Variants in CLVS1 observed in about 807,000 individuals in gnomAD.
The protein encoded by CLVS1 is clavesin-1.
CLVS1 carries 10 observed loss-of-function variants against 33.1 expected under a neutral mutation model. That is an observed-to-expected ratio of 0.30 (90% CI 0.19 to 0.51). The LOEUF (loss-of-function observed/expected upper bound fraction) is 0.51. Ranked by LOEUF, CLVS1 falls within the 20% of genes least tolerant of loss-of-function variation. CLVS1 has a pLI of 0.97. For synonymous variants in CLVS1, 163 were observed against 166.1 expected (o/e 0.98, Z 0.14); for missense variants, 343 against 433.4 (o/e 0.79, Z 1.85).
chr8:61,432,777 G>A (rs1446678664), intron 3 of CLVS1, among the ~76,000 whole-genome samples: 1 of 152,206 alleles, frequency 6.6e-6, no homozygotes, highest in Non-Finnish European at 1.5e-5. Flanking sequence ...AGTGACCGAG[G>A]CAGATCTCAA....
rs1805559224 is a variant in CLVS1, at chr8:61,107,487, T to C, written c.-242-24283T>C. Among the ~76,000 whole-genome samples, 6 of 152,290 alleles carry C rather than the reference T, an allele frequency of 3.9e-5. No individual in the cohort carries two copies. The South Asian group carries it at 1.2e-3, about 32-fold the overall frequency. ...ACATTGGTGGAAATGGAGAACAAGC[T>C]CCCTTAAGCCTCTTTTAGAAGGCAC... On this transcript the variant is annotated intron_variant, in intron 1 of 2. Coordinates refer to the CLVS1 transcript ENST00000522621.
At chr8:61,138,129 A>G (rs2129292450) in intron 2 of CLVS1, among the ~76,000 whole-genome samples, 1 of 152,342 alleles carries the variant, frequency 6.6e-6, no homozygotes, top group East Asian at 1.9e-4. Flanking sequence ...GAGGAGGCAT[A>G]AGTCAACAAG....
At chr8:60,994,855 G>A in the CLVS1 span, among the ~76,000 whole-genome samples, 4 of 151,966 alleles carry the variant, frequency 2.6e-5, no homozygotes, top group East Asian at 5.8e-4. Flanking sequence ...CAGAAATAAC[G>A]CTGCATATCT....
At chr8:61,360,045 T>A (rs1245042787) in intron 2 of CLVS1, among the ~76,000 whole-genome samples, 1 of 151,760 alleles carries the variant, frequency 6.6e-6, no homozygotes, top group Non-Finnish European at 1.5e-5. Context: ...TACAGAGCCA[T>A]TGTAGGCAGG....
chr8:61,475,111 A>G (rs1817870709), intron 5 of CLVS1, among the ~76,000 whole-genome samples: 1 of 152,150 alleles, frequency 6.6e-6, no homozygotes, highest in South Asian at 2.1e-4. Context: ...CCATGTCCCT[A>G]CAAAGGACAT....
chr8:61,153,493 GGT>G (rs759263271), intron 2 of CLVS1, among the ~76,000 whole-genome samples: 50 of 152,190 alleles, frequency 3.3e-4, no homozygotes, highest in Admixed American at 2.0e-4. Flanking sequence ...CAGGGTCAAT[GGT>G]GTGAAGAAAA....
chr8:61,000,751 C>T, the CLVS1 span, among the ~76,000 whole-genome samples: 1 of 152,156 alleles, frequency 6.6e-6, no homozygotes, highest in Non-Finnish European at 1.5e-5. Context: ...CAGGTTTGGT[C>T]CAGGGTCCTT....
At chr8:61,327,600 A>G (rs1811430543) in intron 2 of CLVS1, among the ~76,000 whole-genome samples, 1 of 152,196 alleles carries the variant, frequency 6.6e-6, no homozygotes, top group Admixed American at 6.5e-5. Flanking sequence ...AAAAGTTTCA[A>G]CTTTTTCATA....
chr8:61,372,111 C>G (rs1367459708), intron 2 of CLVS1, among the ~76,000 whole-genome samples: 1 of 152,086 alleles, frequency 6.6e-6, no homozygotes, highest in African/African-American at 2.4e-5. Flanking sequence ...ATCCATTTGT[C>G]ATGTTAGTTC....
intron 2 of CLVS1, among the ~76,000 whole-genome samples, chr8:61,315,133 C>A (rs940703855): frequency 2.0e-5 from 3 of 152,130 alleles, no homozygotes; most frequent in African/African-American, 7.2e-5. Flanking sequence ...CTATGTCCGT[C>A]TCTGATATTT....
the CLVS1 span, among the ~76,000 whole-genome samples, chr8:61,002,534 A>T: frequency 2.6e-5 from 4 of 151,612 alleles, no homozygotes; most frequent in African/African-American, 7.3e-5. Flanking sequence ...GGGTTTCACC[A>T]TGTTGGCCAG....
chr8:60,991,446 T>C, the CLVS1 span, among the ~76,000 whole-genome samples: 1 of 152,232 alleles, frequency 6.6e-6, no homozygotes, highest in Non-Finnish European at 1.5e-5. Flanking sequence ...GTGTTGCATA[T>C]TCACAAATTT....
intron 2 of CLVS1, among the ~76,000 whole-genome samples, chr8:61,329,203 A>ATCTCTC (rs34303330): frequency 0.027 from 3,991 of 145,136 alleles, 131 homozygotes; most frequent in East Asian, 0.18. Flanking sequence ...ACCCCTCCTC[A>ATCTCTC]TCTCTCTCTC....
intron 3 of CLVS1, among the ~76,000 whole-genome samples, chr8:61,391,391 T>G (rs780425430): frequency 3.3e-5 from 5 of 152,234 alleles, no homozygotes; most frequent in Non-Finnish European, 5.9e-5. Context: ...ACTTGATGTT[T>G]CTTTGGGACC....
intron 2 of CLVS1, among the ~76,000 whole-genome samples, chr8:61,353,684 G>A (rs6995054): frequency 0.017 from 2,561 of 148,758 alleles, 83 homozygotes; most frequent in African/African-American, 0.059. Flanking sequence ...AAGAAACTAA[G>A]GAAGAATGAA....
intron 2 of CLVS1, among the ~76,000 whole-genome samples, chr8:61,364,772 C>A (rs545330034): frequency 6.7e-4 from 102 of 152,274 alleles, no homozygotes; most frequent in Admixed American, 1.4e-3. Flanking sequence ...GCATGTTATC[C>A]TTGTAGAATG....
At chr8:61,232,022 G>GTTTTTTGTTT (rs376185436) in intron 2 of CLVS1, among the ~76,000 whole-genome samples, 1,611 of 116,688 alleles carry the variant, frequency 0.014, 90 homozygotes, top group East Asian at 0.076. Flanking sequence ...GGAAAGTTGT[G>GTTTTTTGTTT]GTTTTTTTTT....
chr8:61,335,338 T>A (rs1191459699), intron 2 of CLVS1, among the ~76,000 whole-genome samples: 1 of 152,250 alleles, frequency 6.6e-6, no homozygotes, highest in Non-Finnish European at 1.5e-5. Flanking sequence ...AAGTATAAAC[T>A]AAGTTTCTCC....
chr8:61,460,557 T>C (rs1817334470), intron 5 of CLVS1, among the ~76,000 whole-genome samples: 1 of 152,216 alleles, frequency 6.6e-6, no homozygotes, highest in Non-Finnish European at 1.5e-5. Context: ...ATTGAAACTC[T>C]CATAAAATTG....
Sources: gnomAD v4.1 joint callset for allele counts (sites outside exome capture counted in the v4.1 genomes callset) on GRCh38, gnomAD v4.1.1 for gene constraint, MANE v1.5 for transcripts, NCBI Gene and HGNC (gene_info 2026-07-23, HGNC 2026-07-21) for gene names.